The following SYN1 variants were observed in gnomAD, a reference collection of about 807,000 sequenced individuals.
The protein encoded by SYN1 is synapsin I.
SYN1 carries 8 observed loss-of-function variants against 44.6 expected under a neutral mutation model. That is an observed-to-expected ratio of 0.18 (90% CI 0.11 to 0.32). The LOEUF (loss-of-function observed/expected upper bound fraction) is 0.32, where lower values mean the gene tolerates loss of function less well. Ranked by LOEUF, SYN1 falls within the 10% of genes least tolerant of loss-of-function variation. The pLI is 1.00. For synonymous variants in SYN1, 275 were observed against 280.1 expected (o/e 0.98, Z 0.18); for missense variants, 451 against 639.4 (o/e 0.71, Z 3.18).
intron 9 of SYN1, among the ~76,000 whole-genome samples, chrX:47,575,848 T>C (rs1016286928): frequency 8.9e-6 from 1 of 112,086 alleles, no homozygotes; most frequent in African/African-American, 3.2e-5. Flanking sequence ...CGCAGAATAC[T>C]TTAAAGGTTA....
chrX:47,606,552 C>T (rs185594652), intron 3 of SYN1, among the ~76,000 whole-genome samples: 2 of 107,863 alleles, frequency 1.9e-5, no homozygotes, highest in Non-Finnish European at 3.8e-5. Flanking sequence ...AGTGAGGACC[C>T]CCCCCATCTC....
intron 5 of SYN1, among the ~76,000 whole-genome samples, chrX:47,598,565 C>T (rs916796593): frequency 3.6e-5 from 4 of 111,737 alleles, no homozygotes; most frequent in Admixed American, 9.5e-5. Flanking sequence ...CGGTGGCACA[C>T]GCCTGTAATC....
chrX:47,610,462 AC>A (rs945128333), intron 1 of SYN1, among the ~76,000 whole-genome samples: 1 of 96,857 alleles, frequency 1.0e-5, no homozygotes, highest in East Asian at 3.8e-4. Flanking sequence ...CTCAGAGTCT[AC>A]CCCCCACCTA....
intron 12 of SYN1, 137 bp from the exon 13 acceptor site, chrX:47,573,136 C>A: frequency 2.4e-6 from 2 of 830,550 alleles, no homozygotes; most frequent in Non-Finnish European, 3.5e-6. Flanking sequence ...GACCTCCCCA[C>A]CTGCCACCAT....
intron 5 of SYN1, among the ~76,000 whole-genome samples, chrX:47,600,603 T>C (rs1446584847): frequency 8.9e-6 from 1 of 112,100 alleles, no homozygotes; most frequent in Non-Finnish European, 1.9e-5. Flanking sequence ...TCAGTGCACA[T>C]GGAACATTCT....
Position 47,606,937 on chromosome X carries a change from A to G in SYN1, c.527+8T>C. On this transcript the variant is annotated splice_region_variant and intron_variant, in intron 3 of 12. Coordinates refer to ENST00000295987, the MANE Select transcript of SYN1 (RefSeq NM_006950.3). ...CTCATAACACCAAGGTACCCTTCTTATACTCACCGCACGACCTTCACCCCA... is the reference window on the plus strand; with the variant it reads ...CTCATAACACCAAGGTACCCTTCTTGTACTCACCGCACGACCTTCACCCCA... 8.3e-7 allele frequency: 1 copy of G among 1,205,862 alleles called. No homozygotes were observed. The highest frequency in any genetic ancestry group is 1.1e-6 in the Non-Finnish European group (1 of 891,456).
At chrX:47,610,685 A>G (rs1423437352) in intron 1 of SYN1, among the ~76,000 whole-genome samples, 3 of 110,531 alleles carry the variant, frequency 2.7e-5, no homozygotes, top group Non-Finnish European at 5.7e-5. Flanking sequence ...GTGCTCTCCC[A>G]GGATACGGAA....
chrX:47,588,940 G>A (rs1049114943), intron 5 of SYN1, among the ~76,000 whole-genome samples: 1 of 111,295 alleles, frequency 9.0e-6, no homozygotes, highest in African/African-American at 3.3e-5. Context: ...TCCTTCAGAG[G>A]TCTGTGGTGG....
chrX:47,582,832 T>A (rs1228170712), intron 5 of SYN1, among the ~76,000 whole-genome samples: 1 of 53,164 alleles, frequency 1.9e-5, no homozygotes, highest in African/African-American at 7.9e-5. Flanking sequence ...CTCCCCCAGC[T>A]CCCCAATCCC....
chrX:47,613,817 G>A (rs1373215576), intron 1 of SYN1, among the ~76,000 whole-genome samples: 2 of 111,840 alleles, frequency 1.8e-5, no homozygotes, highest in Non-Finnish European at 3.8e-5. Context: ...CAGGTTGAAG[G>A]TGAGATCATG....
intron 1 of SYN1, among the ~76,000 whole-genome samples, chrX:47,610,942 A>C (rs1033305461): frequency 1.5e-4 from 17 of 111,675 alleles, no homozygotes; most frequent in African/African-American, 5.5e-4. Context: ...CATGCTGGTG[A>C]GGGTGGTACC....
intron 5 of SYN1, among the ~76,000 whole-genome samples, chrX:47,598,277 G>A (rs1306006994): frequency 8.9e-6 from 1 of 112,022 alleles, no homozygotes; most frequent in African/African-American, 3.2e-5. Flanking sequence ...GCACAAAGGA[G>A]GGATGAAGGA....
At chrX:47,594,575 A>C (rs2057858248) in intron 5 of SYN1, among the ~76,000 whole-genome samples, 1 of 110,537 alleles carries the variant, frequency 9.0e-6, no homozygotes, top group Non-Finnish European at 1.9e-5. Flanking sequence ...CCTCCCTTTT[A>C]GAAGGGGTCC....
intron 5 of SYN1, chrX:47,583,414 C>T: frequency 1.7e-6 from 2 of 1,201,022 alleles, no homozygotes; most frequent in South Asian, 3.6e-5. Context: ...ACAGAACCCA[C>T]CATGGCCCCC....
chrX:47,619,420 A>C lies in SYN1; in HGVS notation c.309T>G (p.Ser103=). The change falls in exon 1 of 13, where the codon TCT becomes TCG. Residue 103 remains serine (S), a synonymous_variant. Coordinates refer to ENST00000295987, the MANE Select transcript of SYN1 (RefSeq NM_006950.3). ...CGGCTCCCCCGCGGCCTGCGCCCCC[A>C]GAGCCGCCGCCCACCTGCTCGCTGA... ...ATFSEQVGGG[S]GGAGRGGAAS... is the part of the protein sequence containing the mutation. 8.4e-7 allele frequency: 1 copy of C among 1,190,733 alleles called. No individual in the cohort carries two copies. The highest frequency in any genetic ancestry group is 1.1e-6 in the Non-Finnish European group (1 of 890,323).
chrX:47,583,322 G>T lies in SYN1; in HGVS notation c.775-5821C>A, dbSNP rs1005663832. On this transcript the variant is annotated intron_variant, in intron 5 of 12. Transcript: ENST00000295987. ...AGCCCCCTAATCCCCCCCATAGGCTGCCCCGGGGCAAGATGGGGTGGATGA... is the reference window on the plus strand; with the variant it reads ...AGCCCCCTAATCCCCCCCATAGGCTTCCCCGGGGCAAGATGGGGTGGATGA... 5.5e-5 allele frequency: 49 copies of T among 894,434 alleles called. 1 individual carries two copies. The African/African-American group carries it at 7.7e-4, about 14-fold the overall frequency. 73.7% of individuals were successfully genotyped at this position (894,434 alleles called of 1,213,427 possible). A position where few individuals can be genotyped will look rare whatever the true frequency, so the allele number is the denominator to read the frequency against.
At chrX:47,584,060 A>G (rs1281330143) in intron 5 of SYN1, among the ~76,000 whole-genome samples, 2 of 111,230 alleles carry the variant, frequency 1.8e-5, no homozygotes, top group African/African-American at 6.6e-5. Context: ...GTGGGTGGAA[A>G]TTACTAAGAA....
intron 5 of SYN1, among the ~76,000 whole-genome samples, chrX:47,578,878 C>T (rs756780905): frequency 4.5e-5 from 5 of 111,407 alleles, no homozygotes; most frequent in African/African-American, 1.6e-4. Flanking sequence ...CTCTGCACAC[C>T]CCCCCTTCCT....
Position 47,586,472 on chromosome X carries a change from G to A in SYN1, c.775-8971C>T, listed in dbSNP as rs371594692. 4.7e-5 allele frequency: 56 copies of A among 1,187,058 alleles called. No homozygotes were observed. In the African/African-American group the frequency reaches 5.8e-4, roughly 12 times the overall value. ...CTGAGGAGAGGAAGTTCTGCTCCAC[G>A]GGGGAGGCAGGGAGAAGCCCTCAGA... On this transcript the variant is annotated intron_variant, in intron 5 of 12. Coordinates refer to ENST00000295987, the MANE Select transcript of SYN1 (RefSeq NM_006950.3).
Sources: allele counts gnomAD v4.1 joint callset (sites outside exome capture counted in the v4.1 genomes callset), GRCh38; gene constraint gnomAD v4.1.1; transcripts MANE v1.5; gene names NCBI Gene and HGNC (gene_info 2026-07-23, HGNC 2026-07-21).